The following KIAA1549L variants were observed in gnomAD, a reference collection of about 807,000 sequenced individuals.
KIAA1549L encodes UPF0606 protein KIAA1549L.
KIAA1549L carries 88 observed loss-of-function variants against 160.7 expected under a neutral mutation model. That is an observed-to-expected ratio of 0.55 (90% CI 0.46 to 0.65). KIAA1549L has a LOEUF of 0.65. Ranked by LOEUF, KIAA1549L falls within the 30% of genes least tolerant of loss-of-function variation. The pLI is 0.00. For synonymous variants in KIAA1549L, 950 were observed against 976.7 expected (o/e 0.97, Z 0.51); for missense variants, 2,258 against 2,437.5 (o/e 0.93, Z 1.55).
At chr11:33,527,800 A>G (rs1486252537) in intron 1 of KIAA1549L, among the ~76,000 whole-genome samples, 1 of 152,242 alleles carries the variant, frequency 6.6e-6, no homozygotes. Context: ...TCAAAAGAAG[A>G]TGGTACAAGA....
At chr11:33,461,376 G>A (rs910013929) in intron 1 of KIAA1549L, among the ~76,000 whole-genome samples, 5 of 152,152 alleles carry the variant, frequency 3.3e-5, no homozygotes, top group Non-Finnish European at 5.9e-5. Context: ...GGGACACAGA[G>A]GTTAACCAGC....
Position 33,543,323 on chromosome 11 carries a change from AAG to A in KIAA1549L, c.1763_1764del (p.Glu588GlyfsTer13). The A allele has an allele frequency of 6.2e-7, 1 of 1,614,074 alleles. No homozygotes were observed. The highest frequency in any genetic ancestry group is 8.5e-7 in the Non-Finnish European group (1 of 1,179,902). ...ATTCCTCTCCAGGCCTTTCCAAGGA[AAG>A]AGGTTTTGAGTCTTCACACTGTAAA... On this transcript the variant is annotated frameshift_variant, in exon 2 of 21. Coordinates refer to ENST00000658780, the MANE Select transcript of KIAA1549L (RefSeq NM_012194.3). LOFTEE classifies it high-confidence loss of function.
chr11:33,476,000 C>T (rs1362899908), intron 1 of KIAA1549L, among the ~76,000 whole-genome samples: 1 of 152,218 alleles, frequency 6.6e-6, no homozygotes, highest in Non-Finnish European at 1.5e-5. Flanking sequence ...GTGCCCATCC[C>T]TGCTTGAGAA....
chr11:33,477,650 G>T (rs1218837553), intron 1 of KIAA1549L, among the ~76,000 whole-genome samples: 2 of 152,148 alleles, frequency 1.3e-5, no homozygotes, highest in African/African-American at 4.8e-5. Context: ...TGGTCAAAGT[G>T]CTCATATTGG....
intron 1 of KIAA1549L, among the ~76,000 whole-genome samples, chr11:33,432,731 G>T (rs1208944012): frequency 1.3e-5 from 2 of 152,076 alleles, no homozygotes; most frequent in Non-Finnish European, 2.9e-5. Context: ...GGTACCAAAA[G>T]AGACATATAG....
At chr11:33,619,636 T>C (rs964535881) in intron 16 of KIAA1549L, among the ~76,000 whole-genome samples, 4 of 152,212 alleles carry the variant, frequency 2.6e-5, no homozygotes, top group African/African-American at 9.6e-5. Flanking sequence ...TAATTTGAAT[T>C]TCTAATCACC....
intron 1 of KIAA1549L, among the ~76,000 whole-genome samples, chr11:33,479,548 C>T (rs1368038703): frequency 6.6e-6 from 1 of 152,074 alleles, no homozygotes; most frequent in African/African-American, 2.4e-5. Flanking sequence ...GAAGAAGTGC[C>T]AAGAATGGAA....
At chr11:33,592,422 T>C (rs1850083409) in intron 12 of KIAA1549L, among the ~76,000 whole-genome samples, 1 of 152,188 alleles carries the variant, frequency 6.6e-6, no homozygotes, top group African/African-American at 2.4e-5. Flanking sequence ...AAAGAGGTAA[T>C]GAACCCTATG....
chr11:33,401,531 A>T (rs1850500617), intron 1 of KIAA1549L, among the ~76,000 whole-genome samples: 1 of 145,590 alleles, frequency 6.9e-6, no homozygotes, highest in African/African-American at 2.6e-5. Context: ...TCACCTGTTC[A>T]CTCCTTAAAT....
At chr11:33,426,859 C>G (rs1312526236) in intron 1 of KIAA1549L, among the ~76,000 whole-genome samples, 1 of 152,116 alleles carries the variant, frequency 6.6e-6, no homozygotes, top group Non-Finnish European at 1.5e-5. Flanking sequence ...TCTGGCCCCT[C>G]CATTATCATT....
intron 1 of KIAA1549L, among the ~76,000 whole-genome samples, chr11:33,432,415 A>G (rs535966546): frequency 6.6e-6 from 1 of 152,298 alleles, no homozygotes; most frequent in African/African-American, 2.4e-5. Context: ...TGCAGTACCA[A>G]ATGGGTTTCT....
intron 1 of KIAA1549L, among the ~76,000 whole-genome samples, chr11:33,382,212 G>A (rs1403829138): frequency 1.3e-5 from 2 of 152,120 alleles, no homozygotes. Flanking sequence ...ACCAGCAAGA[G>A]ATAGAGAAGA....
In KIAA1549L at chr11:33,544,074, C is replaced by G. The variant is rs1478208091; in HGVS notation, c.2511C>G (p.Pro837=). ...HSVSHPQLQL[P]NQPAHPLLLT... ...TGTCTCATCCTCAGCTACAGTTGCC[C>G]AACCAGCCAGCACATCCTCTTTTGC... The change falls in exon 2 of 21, where the codon CCC becomes CCG. Residue 837 remains proline, a synonymous_variant. Transcript: ENST00000658780. The G allele has an allele frequency of 1.2e-6, 2 of 1,613,878 alleles. No individual in the cohort carries two copies. Among genetic ancestry groups the G allele is most frequent in the African/African-American group, 2.7e-5 (2 of 74,916 alleles).
chr11:33,475,013 G>C (rs1006308740), intron 1 of KIAA1549L, among the ~76,000 whole-genome samples: 3 of 152,204 alleles, frequency 2.0e-5, no homozygotes, highest in Non-Finnish European at 4.4e-5. Flanking sequence ...ATATGGTGTT[G>C]AGAACTCTGG....
At chr11:33,486,883 T>G (rs1193903680) in intron 1 of KIAA1549L, among the ~76,000 whole-genome samples, 2 of 152,226 alleles carry the variant, frequency 1.3e-5, no homozygotes, top group East Asian at 3.9e-4. Flanking sequence ...ACCCAAGACT[T>G]ACTTCAGTTT....
At position 33,545,252 on chromosome 11, in the gene KIAA1549L, T is replaced by A; in HGVS notation, c.3259T>A (p.Leu1087Met). ...SITASVKATR[L>M]PPLRAENTDA... Reference sequence around the variant, plus strand: ...TACAGCCTCAGTGAAGGCCACCCGGTTGCCACCATTGCGAGCAGAAAACAC... The same window carrying A: ...TACAGCCTCAGTGAAGGCCACCCGGATGCCACCATTGCGAGCAGAAAACAC... Residue 1087 changes from leucine (L) to methionine (M), a missense_variant, in exon 3 of 21, where the codon TTG (leucine) becomes ATG (methionine). By Grantham distance (15) the Leu-to-Met change is conservative. This residue lies in a region of KIAA1549L where 1,359 missense variants were observed against 1,546.6 expected (regional missense o/e 0.88). Transcript: ENST00000658780. 2.5e-6 allele frequency: 4 copies of A among 1,613,990 alleles called. No individual in the cohort carries two copies. Among genetic ancestry groups the A allele is most frequent in the Non-Finnish European group, 3.4e-6 (4 of 1,179,878 alleles).
chr11:33,566,724 G>A (rs192979151), intron 8 of KIAA1549L, among the ~76,000 whole-genome samples: 4 of 152,180 alleles, frequency 2.6e-5, no homozygotes, highest in East Asian at 1.9e-4. Flanking sequence ...GATGATTAGC[G>A]TTGGCTGCTG....
rs78592783 is a variant in KIAA1549L at position 33,643,331 on chromosome 11, C to T, written c.5410-2355C>T. On this transcript the variant is annotated intron_variant, in intron 16 of 20. Coordinates refer to ENST00000658780, the MANE Select transcript of KIAA1549L (RefSeq NM_012194.3). ...CTACCAACCTTACTCGGAGAACTCA[C>T]CCACCCCCAGTACTACCCCACCCCA... 8.6e-3 allele frequency among the ~76,000 whole-genome samples: 1,316 copies of T among 152,190 alleles called. 21 individuals are homozygous for T. The highest frequency in any genetic ancestry group is 0.028 in the African/African-American group (1,169 of 41,486).
At chr11:33,429,017 G>T (rs899013791) in intron 1 of KIAA1549L, among the ~76,000 whole-genome samples, 4 of 152,154 alleles carry the variant, frequency 2.6e-5, no homozygotes, top group Non-Finnish European at 5.9e-5. Context: ...TGTCACCCAG[G>T]CTGGAGTGCA....
Sources: allele counts gnomAD v4.1 joint callset (sites outside exome capture counted in the v4.1 genomes callset), GRCh38; gene constraint gnomAD v4.1.1; regional missense constraint gnomAD v4.1.1; transcripts MANE v1.5; gene names NCBI Gene and HGNC (gene_info 2026-07-23, HGNC 2026-07-21).